SYN3: variants seen among roughly 807,000 people sequenced by gnomAD.
SYN3 encodes synapsin-3.
In SYN3, 35 loss-of-function variants were observed where a neutral mutation model predicts 65.8. The observed-to-expected ratio is 0.53, with a 90% CI of 0.41 to 0.70. The LOEUF is 0.70. Ranked by LOEUF, SYN3 falls within the 30% of genes least tolerant of loss-of-function variation. The probability of loss-of-function intolerance (pLI) is 0.00; values close to 1 mark genes in which losing one functional copy is unlikely to be tolerated. For synonymous variants in SYN3, 270 were observed against 292.9 expected (o/e 0.92, Z 0.80); for missense variants, 680 against 749.0 (o/e 0.91, Z 1.08).
At chr22:32,601,478 C>T (rs1454373747) in intron 6 of SYN3, among the ~76,000 whole-genome samples, 1 of 152,166 alleles carries the variant, frequency 6.6e-6, no homozygotes, top group Admixed American at 6.5e-5. Flanking sequence ...GGGGTTTCAC[C>T]GTGTTAGCCA....
chr22:32,541,435 G>A, intron 8 of SYN3, 136 bp downstream of exon 8: 1 of 1,125,012 alleles, frequency 8.9e-7, no homozygotes, highest in South Asian at 1.5e-5. Context: ...CAGCCACACT[G>A]GACAGAGAAG....
At chr22:32,905,415 A>C (rs772393266) in intron 4 of SYN3, among the ~76,000 whole-genome samples, 5 of 152,234 alleles carry the variant, frequency 3.3e-5, no homozygotes, top group Admixed American at 1.3e-4. Flanking sequence ...AAGAGTCTGC[A>C]TGGTCAGGAA....
At position 32,554,292 on chromosome 22, in the gene SYN3, T is replaced by A. The variant is rs1329820233; in HGVS notation, c.775-12579A>T. On this transcript the variant is annotated intron_variant, in intron 7 of 13. Transcript: ENST00000358763. ...GGTTTCAGCCCAGATGGTCCCTCAA[T>A]ACGGGCTTTTTCCAAGTACCTGATA... Among the ~76,000 whole-genome samples, 3 of 152,118 alleles carry A rather than the reference T, an allele frequency of 2.0e-5. No homozygotes were observed. The East Asian group carries it at 5.8e-4, about 29-fold the overall frequency.
At chr22:32,704,888 C>T (rs1230398813) in intron 6 of SYN3, among the ~76,000 whole-genome samples, 5 of 152,142 alleles carry the variant, frequency 3.3e-5, no homozygotes, top group Non-Finnish European at 7.4e-5. Context: ...ATGTCCTTTG[C>T]CCACTTTTTA....
intron 2 of SYN3, among the ~76,000 whole-genome samples, chr22:33,005,863 C>T (rs755525102): frequency 7.2e-5 from 11 of 152,110 alleles, no homozygotes; most frequent in Non-Finnish European, 1.2e-4. Context: ...TACTGCCAGA[C>T]GTATTTCAGA....
chr22:33,010,818 T>G (rs1167789219), intron 1 of SYN3, among the ~76,000 whole-genome samples: 7 of 152,202 alleles, frequency 4.6e-5, no homozygotes. Context: ...TATAGAGATC[T>G]CGCATACATT....
At chr22:32,742,909 A>T (rs1006595906) in intron 6 of SYN3, among the ~76,000 whole-genome samples, 1 of 152,244 alleles carries the variant, frequency 6.6e-6, no homozygotes, top group Non-Finnish European at 1.5e-5. Flanking sequence ...TAAGCCTTTT[A>T]TAAGTATTAG....
intron 7 of SYN3, among the ~76,000 whole-genome samples, chr22:32,584,886 G>A (rs1407626131): frequency 2.6e-5 from 4 of 152,218 alleles, no homozygotes; most frequent in Non-Finnish European, 5.9e-5. Context: ...GTACTGACAT[G>A]TTTCTTGGGT....
chr22:32,892,856 G>A (rs548914352), intron 4 of SYN3, among the ~76,000 whole-genome samples: 24 of 152,064 alleles, frequency 1.6e-4, no homozygotes, highest in Non-Finnish European at 3.2e-4. Context: ...CTATTTCTGG[G>A]GTAGGCTAGG....
intron 6 of SYN3, among the ~76,000 whole-genome samples, chr22:32,752,902 G>A (rs542423336): frequency 1.2e-4 from 18 of 152,230 alleles, no homozygotes; most frequent in East Asian, 5.8e-4. Flanking sequence ...GAAATGGAGC[G>A]GGGGTGAGTG....
At chr22:32,765,326 G>A (rs1296779765) in intron 6 of SYN3, among the ~76,000 whole-genome samples, 1 of 152,092 alleles carries the variant, frequency 6.6e-6, no homozygotes, top group Non-Finnish European at 1.5e-5. Context: ...AACCTCGCTC[G>A]CCCACTTCAT....
chr22:32,578,178 TTCTTTCTCTTTC>T (rs1347279997), intron 7 of SYN3, among the ~76,000 whole-genome samples: 1 of 146,962 alleles, frequency 6.8e-6, no homozygotes, highest in Non-Finnish European at 1.5e-5. Context: ...TTTCTTTTCT[TTCTTTCTCTTTC>T]TTTCTTTCTC....
chr22:32,868,347 CAATT>C (rs1439220924), intron 5 of SYN3, among the ~76,000 whole-genome samples: 6 of 150,738 alleles, frequency 4.0e-5, no homozygotes, highest in Admixed American at 3.3e-4. Context: ...TTACAAAGAT[CAATT>C]ATTACATATA....
intron 6 of SYN3, among the ~76,000 whole-genome samples, chr22:32,798,917 T>G (rs1309013389): frequency 1.3e-5 from 2 of 152,064 alleles, no homozygotes; most frequent in East Asian, 3.9e-4. Flanking sequence ...GGTCTCGATC[T>G]CCTGACCTCG....
chr22:32,559,225 A>T (rs918416090), intron 7 of SYN3, among the ~76,000 whole-genome samples: 3 of 152,218 alleles, frequency 2.0e-5, no homozygotes, highest in African/African-American at 7.2e-5. Context: ...TAAAGCCCAG[A>T]CATTCATTCA....
intron 6 of SYN3, among the ~76,000 whole-genome samples, chr22:32,694,323 T>C (rs1434511866): frequency 2.0e-5 from 3 of 152,242 alleles, no homozygotes; most frequent in Non-Finnish European, 2.9e-5. Flanking sequence ...CATTTCTTTT[T>C]ATTCTCTAGT....
intron 4 of SYN3, among the ~76,000 whole-genome samples, chr22:32,920,270 C>A (rs1392609140): frequency 6.6e-6 from 1 of 152,210 alleles, no homozygotes; most frequent in Non-Finnish European, 1.5e-5. Flanking sequence ...GTTTTTCATT[C>A]TTGGTTTCTC....
intron 6 of SYN3, 52 bp from the exon 7 acceptor site, chr22:32,596,788 A>T: frequency 6.4e-7 from 1 of 1,570,662 alleles, no homozygotes; most frequent in Non-Finnish European, 8.8e-7. Flanking sequence ...ATTGCCACCA[A>T]GGCTCTGGGT....
At chr22:32,689,076 C>A (rs2060629688) in intron 6 of SYN3, among the ~76,000 whole-genome samples, 2 of 152,182 alleles carry the variant, frequency 1.3e-5, no homozygotes, top group Non-Finnish European at 2.9e-5. Flanking sequence ...AAAATCATTT[C>A]TTTTCTCATC....
Sources: gnomAD v4.1 joint callset for allele counts (sites outside exome capture counted in the v4.1 genomes callset) on GRCh38, gnomAD v4.1.1 for gene constraint, MANE v1.5 for transcripts, NCBI Gene and HGNC (gene_info 2026-07-23, HGNC 2026-07-21) for gene names.